GGN: variants seen among roughly 807,000 people sequenced by gnomAD.
GGN encodes the protein gametogenetin.
GGN carries 27 observed loss-of-function variants against 35.5 expected under a neutral mutation model. The observed-to-expected ratio is 0.76, with a 90% CI of 0.56 to 1.05. The LOEUF (loss-of-function observed/expected upper bound fraction) is 1.05, where lower values mean the gene tolerates loss of function less well. GGN is among the 50% of genes least tolerant of loss of function. The pLI is 0.00. For missense variants in GGN, 1,006 were observed against 940.7 expected, an observed-to-expected ratio of 1.07 and a Z score of -0.91; for synonymous variants, 425 against 444.1, an observed-to-expected ratio of 0.96 and a Z score of 0.54.
Position 38,385,843 on chromosome 19 carries a change from C to T in GGN, c.1419G>A (p.Glu473=). The T allele has an allele frequency of 6.5e-7, 1 of 1,541,794 alleles. No homozygotes were observed. Among genetic ancestry groups the T allele is most frequent in the Non-Finnish European group, 8.7e-7 (1 of 1,147,830 alleles). Residue 473 remains glutamate, a synonymous_variant, in exon 3 of 4, where the codon GAG becomes GAA. Coordinates refer to ENST00000334928, the MANE Select transcript of GGN (RefSeq NM_152657.4). ...GGGCTGCGGTGGGAGCCAGGGCTGA[C>T]TCCTTGTGGCCCAGACCCGGGGTGA... ...PPLTPGLGHK[E]SALAPTAAPA... is the part of the protein sequence containing the mutation.
chr19:38,386,984 A>G lies in GGN; in HGVS notation c.278T>C (p.Val93Ala), dbSNP rs1970742361. The part of the protein sequence containing the change: ...VMPPPEEAAA[V>A]SAPPPAPAGT... Reference sequence around the variant, plus strand: ...CGCGGGGGCCGGGGGTGGTGCAGAGACCGCGGCCGCCTCTTCAGGAGGGGG... The same window carrying G: ...CGCGGGGGCCGGGGGTGGTGCAGAGGCCGCGGCCGCCTCTTCAGGAGGGGG... The change falls in exon 3 of 4, where the codon GTC becomes GCC. Residue 93 changes from valine (V) to alanine (A), a missense_variant. Transcript: ENST00000334928. 2.6e-6 allele frequency: 4 copies of G among 1,535,674 alleles called. No homozygotes were observed. The Admixed American group carries it at 8.2e-5, about 31-fold the overall frequency.
rs771115093 is a variant in GGN at position 38,385,505 on chromosome 19, A to G, written c.1757T>C (p.Phe586Ser). ...NTRAARHWLP[F>S]QVLNSCPCKC... ...GCAGGGACAGGAGTTAAGCACCTGG[A>G]AGGGCAGCCAGTGGCGCGCAGCGCG... The change falls in exon 3 of 4, where the codon TTC becomes TCC. Residue 586 changes from phenylalanine to serine, a missense_variant. Physicochemically the swap from Phe to Ser is radical, Grantham distance 155. Transcript: ENST00000334928. The G allele has an allele frequency of 1.2e-6, 2 of 1,614,052 alleles. No homozygotes were observed. The highest frequency in any genetic ancestry group is 2.2e-5 in the East Asian group (1 of 44,880).
Position 38,385,706 on chromosome 19 carries a change from G to T in GGN, c.1556C>A (p.Ala519Glu), listed in dbSNP as rs749581262. ...CCTGCGCGTGCGGGTCTTGATGGGC[G>T]CAGCCGCGGGTGCGGGCGCGGACAC... ...PPVSAPAPAA[A>E]PIKTRTRRNK... Residue 519 changes from alanine (A) to glutamate (E), a missense_variant, in exon 3 of 4, where the codon GCG (alanine) becomes GAG (glutamate). Ala to Glu is a moderately radical substitution (Grantham distance 107). Transcript: ENST00000334928. The T allele has an allele frequency of 1.2e-6, 2 of 1,611,764 alleles. No homozygotes were observed. The highest frequency in any genetic ancestry group is 1.1e-5 in the South Asian group (1 of 90,982).
Position 38,385,684 on chromosome 19 carries a change from G to C in GGN, c.1578C>G (p.Arg526=). 3 of 1,613,494 alleles carry C rather than the reference G, an allele frequency of 1.9e-6. No homozygotes were observed. The highest frequency in any genetic ancestry group is 2.5e-6 in the Non-Finnish European group (3 of 1,179,904). The change falls in exon 3 of 4, where the codon CGC becomes CGG. Residue 526 remains arginine, a synonymous_variant. Transcript: ENST00000334928. ...PAAAPIKTRT[R]RNKGSRAARG... ...GGGCTGCACGGGAACCCTTGTTCCT[G>C]CGCGTGCGGGTCTTGATGGGCGCAG...
At position 38,387,962 on chromosome 19, in the gene GGN, G is replaced by GC. The variant is rs908738225; in HGVS notation, c.-82+12dup. ...CCTCCTGCGAGCCCGCGGGAGCCCG[G>GC]CCCCTTACGAACCTAGGTCTCCCCT... is the stretch of plus-strand genomic sequence containing the variant. On this transcript the variant is annotated intron_variant, in intron 1 of 3. Coordinates refer to ENST00000334928, the MANE Select transcript of GGN (RefSeq NM_152657.4). The surrounding 1 kb of genome is among the most constrained non-coding windows in gnomAD (Gnocchi z 5.3). 1 of 154,106 alleles carries GC rather than the reference G, an allele frequency of 6.5e-6. No individual in the cohort carries two copies. The highest frequency in any genetic ancestry group is 2.4e-5 in the African/African-American group (1 of 41,266). The allele number at this position is 154,106 out of a possible 1,614,324, so 9.5% of individuals were successfully genotyped here.
In GGN at chr19:38,386,011, G is replaced by C. The variant is rs1355642581; in HGVS notation, c.1251C>G (p.Ile417Met). 4.4e-6 allele frequency: 7 copies of C among 1,607,184 alleles called. No individual in the cohort carries two copies. The highest frequency in any genetic ancestry group is 5.9e-6 in the Non-Finnish European group (7 of 1,177,042). ...GCTCGCCATTGGTGGGTGCTGGGAA[G>C]ATGAACGTAGGCGGCGCCAGCAGGG... ...APALLAPPTFIFPAPTNGEPM... is the reference protein window; with the variant it reads ...APALLAPPTFMFPAPTNGEPM... Residue 417 changes from isoleucine to methionine, a missense_variant, in exon 3 of 4, where the codon ATC becomes ATG. Physicochemically the swap from Ile to Met is conservative, Grantham distance 10. Transcript: ENST00000334928.
rs1035934905 is a variant in GGN at position 38,386,600 on chromosome 19, G to A, written c.662C>T (p.Pro221Leu). The A allele has an allele frequency of 2.2e-5, 36 of 1,613,036 alleles. No individual in the cohort carries two copies. The highest frequency in any genetic ancestry group is 2.6e-5 in the Non-Finnish European group (31 of 1,179,640). Residue 221 changes from proline (P) to leucine (L), a missense_variant, in exon 3 of 4, where the codon CCT (proline) becomes CTT (leucine). Pro to Leu is a moderately conservative substitution (Grantham distance 98, BLOSUM62 -3). Coordinates refer to ENST00000334928, the MANE Select transcript of GGN (RefSeq NM_152657.4). The part of the protein sequence containing the change: ...QTAGRARGGA[P>L]PHAGEGEMAQ... ...CATTTCGCCTTCGCCCGCATGGGGA[G>A]GCGCCCCTCCGCGAGCCCTGCCGGC...
rs754093463 is a variant in GGN, at chr19:38,384,480, TGGTGGCAACCCAG to T, written c.1878_1890del (p.Trp627SerfsTer56). The T allele has an allele frequency of 6.2e-7, 1 of 1,614,084 alleles. No individual in the cohort carries two copies. Among genetic ancestry groups the T allele is most frequent in the South Asian group, 1.1e-5 (1 of 91,086 alleles). On this transcript the variant is annotated frameshift_variant, in exon 4 of 4. Coordinates refer to ENST00000334928, the MANE Select transcript of GGN (RefSeq NM_152657.4). LOFTEE classifies it high-confidence loss of function. ...GCCACCAGAGAGCCGGACAGCTTGA[TGGTGGCAACCCAG>T]GGTGGCTCGCCCAGGTGGTTGGTGG...
chr19:38,387,004 AGGGGGCATCACTGGAGAG>A lies in GGN; in HGVS notation c.240_257del (p.Ser81_Pro86del). On this transcript the variant is annotated inframe_deletion, in exon 3 of 4. Transcript: ENST00000334928. This position sits in a 1 kb window ranked among gnomAD's most constrained non-coding sequence, Gnocchi z 5.3. Reference sequence around the variant, plus strand: ...CAGAGACCGCGGCCGCCTCTTCAGGAGGGGGCATCACTGGAGAGGGCCGTTCTAAGGTGAGGGGCAGGG... The same window carrying A: ...CAGAGACCGCGGCCGCCTCTTCAGGAGGCCGTTCTAAGGTGAGGGGCAGGG... 6.5e-7 allele frequency: 1 copy of A among 1,541,408 alleles called. No individual in the cohort carries two copies. The highest frequency in any genetic ancestry group is 8.7e-7 in the Non-Finnish European group (1 of 1,143,144).
chr19:38,387,723 C>CG lies in GGN; in HGVS notation c.-20+37dup. The CG allele has an allele frequency of 6.1e-6, 1 of 163,242 alleles. No homozygotes were observed. Among genetic ancestry groups the CG allele is most frequent in the Non-Finnish European group, 1.3e-5 (1 of 74,170 alleles). The allele number at this position is 163,242 out of a possible 1,614,324, so 10.1% of individuals were successfully genotyped here. ...AAGCTCCACCCCTGTCCCCAAGCTC[C>CG]GCCCTGGCCCCGCCTCCCCCCAGAG... On this transcript the variant is annotated intron_variant, in intron 2 of 3. Coordinates refer to ENST00000334928, the MANE Select transcript of GGN (RefSeq NM_152657.4). The surrounding 1 kb of genome is among the most constrained non-coding windows in gnomAD (Gnocchi z 5.3).
rs747801740 is a variant in GGN at position 38,384,471 on chromosome 19, A to G, written c.1900T>C (p.Ser634Pro). The G allele has an allele frequency of 1.7e-5, 28 of 1,613,964 alleles. No individual in the cohort carries two copies. The Admixed American group carries it at 3.2e-4, about 18-fold the overall frequency. The change falls in exon 4 of 4, where the codon TCC becomes CCC. Residue 634 changes from serine (S) to proline (P), a missense_variant. Transcript: ENST00000334928. ...EPPWVATIKLSGSLVAKLEHY... is the reference protein window; with the variant it reads ...EPPWVATIKLPGSLVAKLEHY... ...TCCAGCTTGGCCACCAGAGAGCCGG[A>G]CAGCTTGATGGTGGCAACCCAGGGT...
At position 38,386,511 on chromosome 19, in the gene GGN, G is replaced by T; in HGVS notation, c.751C>A (p.Pro251Thr). 1 of 1,613,002 alleles carries T rather than the reference G, an allele frequency of 6.2e-7. No homozygotes were observed. The highest frequency in any genetic ancestry group is 1.3e-5 in the African/African-American group (1 of 75,064). The change falls in exon 3 of 4, where the codon CCC becomes ACC. Residue 251 changes from proline (P) to threonine (T), a missense_variant. Transcript: ENST00000334928. ...GAGGCTGCCGGAGGGGCCAAAGAGG[G>T]CCTCGACTTGAAGGTGATTTTACAC... Reference protein sequence around the residue: ...LLCKITFKSRPSLAPPAASSS... With the variant: ...LLCKITFKSRTSLAPPAASSS...
At chr19:38,385,180 C>T (rs1970687006) in intron 3 of GGN, among the ~76,000 whole-genome samples, 1 of 152,206 alleles carries the variant, frequency 6.6e-6, no homozygotes, top group Non-Finnish European at 1.5e-5. Context: ...ACAGGAGGGC[C>T]AAGAGTCCAC....
Position 38,385,875 on chromosome 19 carries a change from G to T in GGN, c.1387C>A (p.Pro463Thr). 1 of 1,548,066 alleles carries T rather than the reference G, an allele frequency of 6.5e-7. No individual in the cohort carries two copies. The highest frequency in any genetic ancestry group is 8.7e-7 in the Non-Finnish European group (1 of 1,149,360). The change falls in exon 3 of 4, where the codon CCC becomes ACC. Residue 463 changes from proline to threonine, a missense_variant. Physicochemically the swap from Pro to Thr is conservative, Grantham distance 38. Coordinates refer to ENST00000334928, the MANE Select transcript of GGN (RefSeq NM_152657.4). ...TGGCCCAGACCCGGGGTGAGCGGGG[G>T]AGCCACCGGCAGCGGCGTTGGCTGG... ...ALQPTPLPVA[P>T]PLTPGLGHKE...
In GGN at chr19:38,386,834, T is replaced by G; in HGVS notation, c.428A>C (p.Lys143Thr). 1 of 1,605,812 alleles carries G rather than the reference T, an allele frequency of 6.2e-7. No homozygotes were observed. The highest frequency in any genetic ancestry group is 8.5e-7 in the Non-Finnish European group (1 of 1,175,476). ...QGDPPSLRPLKPPPPPRQLSV... is the reference protein window; with the variant it reads ...QGDPPSLRPLTPPPPPRQLSV... ...TAGTTGCCGGGGCGGCGGCGGCGGC[T>G]TCAGCGGGCGGAGGCTCGGAGGGTC... Residue 143 changes from lysine (K) to threonine (T), a missense_variant, in exon 3 of 4, where the codon AAG becomes ACG. Transcript: ENST00000334928.
rs1970726945 is a variant in GGN, at chr19:38,386,515, C to T, written c.747G>A (p.Ser249=). 1.2e-6 allele frequency: 2 copies of T among 1,613,022 alleles called. No individual in the cohort carries two copies. Among genetic ancestry groups the T allele is most frequent in the East Asian group, 2.2e-5 (1 of 44,868 alleles). The stretch of plus-strand genomic sequence containing the variant: ...CTGCCGGAGGGGCCAAAGAGGGCCT[C>T]GACTTGAAGGTGATTTTACACAGCA... ...LSLLCKITFK[S]RPSLAPPAAS... is the part of the protein sequence containing the mutation. The change falls in exon 3 of 4, where the codon TCG becomes TCA. Residue 249 remains serine, a synonymous_variant. Transcript: ENST00000334928.
At position 38,387,399 on chromosome 19, in the gene GGN, G is replaced by T; in HGVS notation, c.-19-119C>A. ...GCCCCTGTTCTCCAAGATCCGATCA[G>T]GCCCAAGTCCTTAGGTCGCACTCCT... On this transcript the variant is annotated intron_variant, in intron 2 of 3. Coordinates refer to ENST00000334928, the MANE Select transcript of GGN (RefSeq NM_152657.4). This position sits in a 1 kb window ranked among gnomAD's most constrained non-coding sequence, Gnocchi z 5.3. 1.3e-5 allele frequency: 18 copies of T among 1,424,334 alleles called. No individual in the cohort carries two copies. The South Asian group carries it at 2.5e-4, about 20-fold the overall frequency. 88.2% of individuals were successfully genotyped at this position (1,424,334 alleles called of 1,614,324 possible). A position where few individuals can be genotyped will look rare whatever the true frequency, so the allele number is the denominator to read the frequency against.
At chr19:38,388,371 C>T (rs1350148303), upstream of GGN, 1 of 396,956 alleles carries the variant, frequency 2.5e-6, no homozygotes, top group African/African-American at 2.1e-5. Context: ...TGTGAAGGCT[C>T]CCCTCTCGCC....
chr19:38,384,621 G>T, intron 3 of GGN, 92 bp from the exon 4 acceptor site: 1 of 881,824 alleles, frequency 1.1e-6, no homozygotes, highest in South Asian at 1.5e-5. Flanking sequence ...GAATAGGGAA[G>T]CTTCTGAAGG....
Sources: allele counts gnomAD v4.1 joint callset (sites outside exome capture counted in the v4.1 genomes callset), GRCh38; gene constraint gnomAD v4.1.1; non-coding constraint Gnocchi (gnomAD v3.1); transcripts MANE v1.5; gene names NCBI Gene and HGNC (gene_info 2026-07-23, HGNC 2026-07-21).